MYO7B: variants seen among roughly 807,000 people sequenced by gnomAD.
The protein encoded by MYO7B is unconventional myosin-VIIb.
MYO7B carries 212 observed loss-of-function variants against 259.7 expected under a neutral mutation model. The ratio of observed to expected loss-of-function variants is 0.82; its 90% CI spans 0.73 to 0.91. MYO7B has a LOEUF of 0.91. MYO7B is among the 40% of genes least tolerant of loss of function. MYO7B has a pLI of 0.00. For synonymous variants in MYO7B, 1,197 were observed against 1,166.4 expected (o/e 1.03, Z -0.54); for missense variants, 2,732 against 2,813.5 (o/e 0.97, Z 0.66).
chr2:127,567,598 T>A (rs528104926), intron 5 of MYO7B, among the ~76,000 whole-genome samples: 1 of 152,192 alleles, frequency 6.6e-6, no homozygotes, highest in Non-Finnish European at 1.5e-5. Context: ...CAGAGAACTT[T>A]GGTGTCCTCA....
chr2:127,588,683 C>A, intron 15 of MYO7B, 128 bp downstream of exon 15: 2 of 1,094,934 alleles, frequency 1.8e-6, no homozygotes, highest in Non-Finnish European at 2.6e-6. Context: ...GGGAATCCTG[C>A]AATGGATGGA....
In MYO7B at chr2:127,585,363, C is replaced by T. The variant is rs997571864; in HGVS notation, c.1690+450C>T. ...ATACGTGGTCTTCTGTGGCTGGTTT[C>T]TTTCACTTAGCATCATGTTTTCAAG... On this transcript the variant is annotated intron_variant, in intron 14 of 47. Transcript: ENST00000409816. This position sits in a 1 kb window ranked among gnomAD's most constrained non-coding sequence, Gnocchi z 4.3. Among the ~76,000 whole-genome samples, 4 of 152,146 alleles carry T rather than the reference C, an allele frequency of 2.6e-5. No homozygotes were observed. The highest frequency in any genetic ancestry group is 5.9e-5 in the Non-Finnish European group (4 of 68,024).
At position 127,628,385 on chromosome 2, in the gene MYO7B, G is replaced by A. The variant is rs899010523; in HGVS notation, c.4474G>A (p.Gly1492Arg). The A allele has an allele frequency of 1.7e-5, 27 of 1,600,730 alleles. No homozygotes were observed. The highest frequency in any genetic ancestry group is 1.2e-4 in the African/African-American group (9 of 74,822). The part of the protein sequence containing the change: ...GLATNREAQG[G>R]QRLLLSTMHE... Reference sequence around the variant, plus strand: ...CTTCATCTCCAGGGAGGCCCAGGGCGGGCAGAGGCTGCTGCTCTCCACGAT... The same window carrying A: ...CTTCATCTCCAGGGAGGCCCAGGGCAGGCAGAGGCTGCTGCTCTCCACGAT... Residue 1492 changes from glycine to arginine, a missense_variant, in exon 34 of 48, where the codon GGG (glycine) becomes AGG (arginine). Physicochemically the swap from Gly to Arg is moderately radical, Grantham distance 125. Around this residue, in one of 3 missense-constraint regions of MYO7B, gnomAD observed 1,906 missense variants for 2,026.4 expected, o/e 0.94. Transcript: ENST00000409816. This position sits in a 1 kb window ranked among gnomAD's most constrained non-coding sequence, Gnocchi z 4.8.
chr2:127,578,498 G>A (rs902434385), intron 9 of MYO7B, among the ~76,000 whole-genome samples: 1 of 152,112 alleles, frequency 6.6e-6, no homozygotes, highest in Non-Finnish European at 1.5e-5. Context: ...GGTGGAGACC[G>A]GCCAATCATC....
At chr2:127,560,908 T>C (rs1678059535) in intron 2 of MYO7B, among the ~76,000 whole-genome samples, 1 of 152,194 alleles carries the variant, frequency 6.6e-6, no homozygotes, top group African/African-American at 2.4e-5. Flanking sequence ...TGGCAGCATC[T>C]GACTCACAGA....
At chr2:127,616,735 C>T (rs1340002982) in intron 26 of MYO7B, among the ~76,000 whole-genome samples, 2 of 152,200 alleles carry the variant, frequency 1.3e-5, no homozygotes, top group Admixed American at 6.5e-5. Flanking sequence ...TCCGGAGACC[C>T]ACCCCTGAAG....
Position 127,609,674 on chromosome 2 carries a change from C to T in MYO7B, c.2983C>T (p.Arg995Ter), listed in dbSNP as rs752514258. The change falls in exon 23 of 48, where the codon CGA becomes TGA. Residue 995 changes from arginine to a stop codon, truncating the protein, a stop_gained. Transcript: ENST00000409816. LOFTEE classifies it high-confidence loss of function. This position sits in a 1 kb window ranked among gnomAD's most constrained non-coding sequence, Gnocchi z 6.9. ...CCACACACACATCCGGCGGCCCCTC[C>T]GATACCCGTTGCTTTACCACGAAGA... ...ASHTHIRRPL[R>*]YPLLYHEDDT... The T allele has an allele frequency of 1.1e-5, 17 of 1,613,942 alleles. No individual in the cohort carries two copies. The highest frequency in any genetic ancestry group is 3.3e-5 in the Admixed American group (2 of 60,030).
intron 10 of MYO7B, 34 bp downstream of exon 10, chr2:127,580,856 T>C: frequency 6.3e-7 from 1 of 1,595,464 alleles, no homozygotes; most frequent in East Asian, 2.3e-5. Flanking sequence ...TCCATTTTGG[T>C]GGGGGGCCTC....
intron 27 of MYO7B, among the ~76,000 whole-genome samples, chr2:127,621,054 T>C (rs1346068068): frequency 1.3e-5 from 2 of 152,198 alleles, no homozygotes; most frequent in Non-Finnish European, 2.9e-5. Context: ...AAACACTTTC[T>C]CACATGTCCC....
chr2:127,545,105 A>T (rs1461314847), intron 1 of MYO7B, among the ~76,000 whole-genome samples: 1 of 152,172 alleles, frequency 6.6e-6, no homozygotes, highest in East Asian at 1.9e-4. Flanking sequence ...TTGTTGGACA[A>T]TTGGTGGTTT....
intron 1 of MYO7B, among the ~76,000 whole-genome samples, chr2:127,543,747 T>C (rs960162160): frequency 4.0e-5 from 6 of 151,544 alleles, no homozygotes; most frequent in African/African-American, 1.5e-4. Context: ...TCCATATATA[T>C]ATATATTTTT....
intron 5 of MYO7B, among the ~76,000 whole-genome samples, chr2:127,567,783 C>T (rs2104878998): frequency 6.6e-6 from 1 of 152,294 alleles, no homozygotes; most frequent in South Asian, 2.1e-4. Context: ...AGAATCCCTT[C>T]CTCAGGGAGC....
intron 28 of MYO7B, 110 bp from the exon 29 acceptor site, chr2:127,623,092 T>G: frequency 1.5e-6 from 2 of 1,328,668 alleles, no homozygotes; most frequent in Non-Finnish European, 2.0e-6. Flanking sequence ...ACCCACGGGA[T>G]GGCAAGCAGG....
Position 127,607,298 on chromosome 2 carries a change from G to A in MYO7B, c.2517G>A (p.Leu839=), listed in dbSNP as rs199821381. The A allele has an allele frequency of 1.1e-4, 171 of 1,551,388 alleles. No individual in the cohort carries two copies. In the African/African-American group the frequency reaches 2.0e-3, roughly 18 times the overall value. ...YQAMRQRTVQ[L]QALCRGYLVR... The stretch of plus-strand genomic sequence containing the variant: ...CCATGCGGCAGAGGACAGTCCAGCT[G>A]CAGGCCCTGTGCAGGGGATACCTGG... The change falls in exon 21 of 48, where the codon CTG becomes CTA. Residue 839 remains leucine, a synonymous_variant. Coordinates refer to ENST00000409816, the MANE Select transcript of MYO7B (RefSeq NM_001393586.1). The surrounding 1 kb of genome is among the most constrained non-coding windows in gnomAD (Gnocchi z 4.4).
In MYO7B at chr2:127,631,352, A is replaced by G. The variant is rs1362964678; in HGVS notation, c.5084A>G (p.Gln1695Arg). Residue 1695 changes from glutamine to arginine, a missense_variant, in exon 37 of 48, where the codon CAG becomes CGG. Gln to Arg is a conservative substitution (Grantham distance 43, BLOSUM62 1). This residue lies in a region of MYO7B where 821 missense variants were observed against 769.3 expected (regional missense o/e 1.07). Transcript: ENST00000409816. Reference sequence around the variant, plus strand: ...GTCGACCTCTGGGACATCGCCTGCCAGATCTTTGTCGATATCCTTCCCCAC... The same window carrying G: ...GTCGACCTCTGGGACATCGCCTGCCGGATCTTTGTCGATATCCTTCCCCAC... ...ANVDLWDIACQIFVAILRYMG... is the reference protein window; with the variant it reads ...ANVDLWDIACRIFVAILRYMG... 24 of 1,608,208 alleles carry G rather than the reference A, an allele frequency of 1.5e-5. 1 individual carries two copies. In the South Asian group the frequency reaches 2.5e-4, roughly 17 times the overall value.
chr2:127,582,342 G>A lies in MYO7B; in HGVS notation c.1239G>A (p.Lys413=). The A allele has an allele frequency of 6.2e-7, 1 of 1,613,288 alleles. No homozygotes were observed. The highest frequency in any genetic ancestry group is 8.5e-7 in the Non-Finnish European group (1 of 1,179,662). ...ACCTCTTCCTGTGGATTGTCAAGAA[G>A]ATCAATGCCGCCATCTTCACACCAC... ...YGHLFLWIVK[K]INAAIFTPPA... The change falls in exon 12 of 48, where the codon AAG becomes AAA. Residue 413 remains lysine (K), a synonymous_variant. Transcript: ENST00000409816.
chr2:127,631,708 A>G lies in MYO7B; in HGVS notation c.5204A>G (p.Glu1735Gly). ...LALQHPALQDEVYCQILKQLT... is the reference protein window; with the variant it reads ...LALQHPALQDGVYCQILKQLT... ...CTGCAGCACCCGGCCCTCCAGGACGAGGTCTACTGCCAGATCCTGAAGCAG... is the reference window on the plus strand; with the variant it reads ...CTGCAGCACCCGGCCCTCCAGGACGGGGTCTACTGCCAGATCCTGAAGCAG... The change falls in exon 38 of 48, where the codon GAG becomes GGG. Residue 1735 changes from glutamate (E) to glycine (G), a missense_variant. Coordinates refer to ENST00000409816, the MANE Select transcript of MYO7B (RefSeq NM_001393586.1). 2 of 1,612,976 alleles carry G rather than the reference A, an allele frequency of 1.2e-6. No individual in the cohort carries two copies. The highest frequency in any genetic ancestry group is 2.2e-5 in the South Asian group (2 of 91,076).
chr2:127,621,281 T>A (rs77648153), intron 27 of MYO7B, among the ~76,000 whole-genome samples: 1 of 150,008 alleles, frequency 6.7e-6, no homozygotes, highest in Non-Finnish European at 1.5e-5. Context: ...TTTTTTTTTT[T>A]GAGACGGAGT....
intron 37 of MYO7B, 61 bp downstream of exon 37, chr2:127,631,424 A>T: frequency 6.4e-7 from 1 of 1,570,152 alleles, no homozygotes. Flanking sequence ...CACCCAGCAC[A>T]TCCTGGCCCT....
Sources: allele counts gnomAD v4.1 joint callset (sites outside exome capture counted in the v4.1 genomes callset), GRCh38; gene constraint gnomAD v4.1.1; regional missense constraint gnomAD v4.1.1; non-coding constraint Gnocchi (gnomAD v3.1); transcripts MANE v1.5; gene names NCBI Gene and HGNC (gene_info 2026-07-23, HGNC 2026-07-21).